The following HNF4G variants were observed in gnomAD, a reference collection of about 807,000 sequenced individuals.
HNF4G encodes the protein hepatocyte nuclear factor 4-gamma.
A neutral mutation model predicts 50.9 loss-of-function variants in HNF4G; 21 were observed. The ratio of observed to expected loss-of-function variants is 0.41; its 90% CI spans 0.29 to 0.59. The LOEUF is 0.59. Ranked by LOEUF, HNF4G falls within the 20% of genes least tolerant of loss-of-function variation. The probability of loss-of-function intolerance (pLI) is 0.26; values close to 1 mark genes in which losing one functional copy is unlikely to be tolerated. For synonymous variants in HNF4G, 198 were observed against 185.6 expected, an observed-to-expected ratio of 1.07 and a Z score of -0.54; for missense variants, 527 against 559.4, an observed-to-expected ratio of 0.94 and a Z score of 0.58.
At chr8:75,474,473 A>G (rs1357164167) in intron 1 of HNF4G, among the ~76,000 whole-genome samples, 2 of 152,168 alleles carry the variant, frequency 1.3e-5, no homozygotes, top group Admixed American at 6.5e-5. Flanking sequence ...TGAGTATTGT[A>G]TGAAGGTTTT....
upstream of HNF4G, among the ~76,000 whole-genome samples, chr8:75,535,073 T>C (rs552597320): frequency 2.0e-5 from 3 of 151,814 alleles, no homozygotes; most frequent in South Asian, 6.2e-4. Context: ...TAAGAAAAAA[T>C]AATTTTTGTT....
At position 75,444,312 on chromosome 8, in the gene HNF4G, C is replaced by T. The variant is rs371051140; in HGVS notation, c.-144+36150C>T. On this transcript the variant is annotated intron_variant, in intron 1 of 10. Coordinates refer to the HNF4G transcript ENST00000354370. ...ATGGAAAGGAACAACCGGTACCAGC[C>T]GCTGCAAAATCATGCCAAAATGTAA... 0.013 allele frequency among the ~76,000 whole-genome samples: 1,966 copies of T among 151,604 alleles called. 65 individuals are homozygous for T. The East Asian group carries it at 0.15, about 11-fold the overall frequency.
intron 2 of HNF4G, among the ~76,000 whole-genome samples, chr8:75,525,345 T>G (rs1210800054): frequency 6.6e-6 from 1 of 152,156 alleles, no homozygotes; most frequent in Non-Finnish European, 1.5e-5. Context: ...ATTTTTTGTA[T>G]TTTTAGTGGA....
intron 1 of HNF4G, among the ~76,000 whole-genome samples, chr8:75,485,403 T>C (rs1728149371): frequency 6.6e-6 from 1 of 152,170 alleles, no homozygotes; most frequent in Non-Finnish European, 1.5e-5. Flanking sequence ...TTCTGAACAA[T>C]TTAACCCAAA....
Position 75,437,690 on chromosome 8 carries a change from A to C in HNF4G, c.-144+29528A>C, listed in dbSNP as rs531027230. On this transcript the variant is annotated intron_variant, in intron 1 of 10. Coordinates refer to the HNF4G transcript ENST00000354370. ...CTCCGTCTCAAAAAAATAATAATAA[A>C]AATAAAATAAAAAAAGAAATGTTAA... is the stretch of plus-strand genomic sequence containing the variant. Among the ~76,000 whole-genome samples the C allele has an allele frequency of 2.1e-4, 32 of 152,174 alleles. 1 individual carries two copies. Among genetic ancestry groups the C allele is most frequent in the African/African-American group, 7.5e-4 (31 of 41,576 alleles).
chr8:75,553,418 A>G (rs947900369), intron 5 of HNF4G, among the ~76,000 whole-genome samples: 4 of 152,178 alleles, frequency 2.6e-5, no homozygotes, highest in African/African-American at 7.2e-5. Context: ...TATTGATTGG[A>G]CAAGAACTGA....
At chr8:75,498,018 A>G (rs1812822520) in intron 2 of HNF4G, among the ~76,000 whole-genome samples, 1 of 152,134 alleles carries the variant, frequency 6.6e-6, no homozygotes, top group East Asian at 1.9e-4. Context: ...TGGGACACTT[A>G]GAATTTTTAA....
intron 2 of HNF4G, among the ~76,000 whole-genome samples, chr8:75,513,946 A>G (rs1214642715): frequency 2.0e-5 from 3 of 151,992 alleles, no homozygotes; most frequent in Admixed American, 6.6e-5. Flanking sequence ...TGAATCATTG[A>G]CAAAAAAACA....
chr8:75,528,164 A>G (rs1806230254), intron 2 of HNF4G, among the ~76,000 whole-genome samples: 1 of 152,222 alleles, frequency 6.6e-6, no homozygotes. Flanking sequence ...TGTAGTAGGT[A>G]GAAAATGAGG....
intron 2 of HNF4G, among the ~76,000 whole-genome samples, chr8:75,522,075 T>A (rs973082692): frequency 1.9e-4 from 29 of 152,262 alleles, no homozygotes; most frequent in Admixed American, 6.5e-5. Context: ...ACATTTGTAC[T>A]TTGTTATTAG....
intron 1 of HNF4G, among the ~76,000 whole-genome samples, chr8:75,431,418 G>T (rs1432467707): frequency 6.6e-6 from 1 of 152,190 alleles, no homozygotes; most frequent in East Asian, 1.9e-4. Context: ...TAGTGAAATC[G>T]CTGAACATTG....
intron 1 of HNF4G, among the ~76,000 whole-genome samples, chr8:75,409,110 G>T (rs758148246): frequency 9.2e-5 from 14 of 152,122 alleles, no homozygotes; most frequent in Non-Finnish European, 1.9e-4. Flanking sequence ...GGTCGAAGTA[G>T]GTGACCAAGT....
chr8:75,444,452 C>A (rs1378179617), intron 1 of HNF4G, among the ~76,000 whole-genome samples: 2 of 141,190 alleles, frequency 1.4e-5, no homozygotes, highest in African/African-American at 2.7e-5. Context: ...TGTAAATGGA[C>A]TAAATTCTCC....
chr8:75,425,978 T>C (rs1189799940), intron 1 of HNF4G, among the ~76,000 whole-genome samples: 1 of 152,216 alleles, frequency 6.6e-6, no homozygotes, highest in African/African-American at 2.4e-5. Flanking sequence ...GTATAAAATC[T>C]ATTTAAAATA....
At chr8:75,484,432 C>CACA (rs1226151411) in intron 1 of HNF4G, among the ~76,000 whole-genome samples, 1 of 152,164 alleles carries the variant, frequency 6.6e-6, no homozygotes, top group Non-Finnish European at 1.5e-5. Context: ...TACTCCAGTG[C>CACA]ACAAGGCTTC....
intron 1 of HNF4G, among the ~76,000 whole-genome samples, chr8:75,449,611 A>C (rs1278796968): frequency 6.9e-6 from 1 of 145,984 alleles, no homozygotes; most frequent in Admixed American, 7.0e-5. Flanking sequence ...GGTTCACGCC[A>C]TTCTCCTGCC....
At chr8:75,530,690 G>A (rs76847940) in intron 2 of HNF4G, among the ~76,000 whole-genome samples, 2 of 151,992 alleles carry the variant, frequency 1.3e-5, no homozygotes, top group Non-Finnish European at 2.9e-5. Context: ...GGTCCAGAAG[G>A]TGCACTAGAA....
intron 2 of HNF4G, among the ~76,000 whole-genome samples, chr8:75,529,457 CA>C (rs111281059): frequency 2.0e-5 from 3 of 151,070 alleles, no homozygotes; most frequent in Non-Finnish European, 3.0e-5. Context: ...TAGCTGTAGG[CA>C]AAAAAAATGG....
chr8:75,524,452 T>A (rs939857305), intron 2 of HNF4G, among the ~76,000 whole-genome samples: 4 of 152,170 alleles, frequency 2.6e-5, no homozygotes, highest in Admixed American at 2.0e-4. Context: ...TTGAGAAATG[T>A]TTCATCATTT....
Sources: gnomAD v4.1 joint callset for allele counts (sites outside exome capture counted in the v4.1 genomes callset) on GRCh38, gnomAD v4.1.1 for gene constraint, MANE v1.5 for transcripts, NCBI Gene and HGNC (gene_info 2026-07-23, HGNC 2026-07-21) for gene names.